Variants in HAPLN4 observed in about 807,000 individuals in gnomAD.
The protein encoded by HAPLN4 is hyaluronan and proteoglycan link protein 4, also known as brain link protein 2.
Under a neutral mutation model 28.0 loss-of-function variants are expected in HAPLN4, and 19 were observed. The observed-to-expected ratio is 0.68, with a 90% CI of 0.47 to 1.00. HAPLN4 has a LOEUF of 1.00. HAPLN4 is among the 50% of genes least tolerant of loss of function. The pLI, the probability that HAPLN4 is intolerant of heterozygous loss-of-function variation, is 0.00. For synonymous variants in HAPLN4, 274 were observed against 273.0 expected (o/e 1.00, Z -0.03); for missense variants, 587 against 602.6 (o/e 0.97, Z 0.27).
At chr19:19,259,766 A>G (rs2060977359) in intron 3 of HAPLN4, among the ~76,000 whole-genome samples, 1 of 152,234 alleles carries the variant, frequency 6.6e-6, no homozygotes. Flanking sequence ...TAGGGAGGTC[A>G]GCAAGCAAGG....
In HAPLN4 at chr19:19,257,781, G is replaced by A. The variant is rs1219303893; in HGVS notation, c.*36C>T. 7.2e-7 allele frequency: 1 copy of A among 1,392,216 alleles called. No individual in the cohort carries two copies. The highest frequency in any genetic ancestry group is 2.8e-5 in the East Asian group (1 of 36,246). The allele number at this position is 1,392,216 out of a possible 1,614,324, so 86.2% of individuals were successfully genotyped here. On this transcript the variant is annotated 3_prime_UTR_variant, in exon 5 of 5. Coordinates refer to ENST00000291481, the MANE Select transcript of HAPLN4 (RefSeq NM_023002.3). ...CAGGGGACCACAGGGCTCTAGACCA[G>A]TGGTCAAGCGCCCTGGCTGTCCGCC...
intron 2 of HAPLN4, 94 bp from the exon 3 acceptor site, chr19:19,261,269 T>C (rs566259458): frequency 7.3e-7 from 1 of 1,370,164 alleles, no homozygotes; most frequent in Admixed American, 2.0e-5. Context: ...GTGGGAAGAC[T>C]CGGGTGGGGG....
At position 19,262,767 on chromosome 19, in the gene HAPLN4, G is replaced by GCACC. The variant is rs758507798; in HGVS notation, c.-39_-36dup. 1.2e-6 allele frequency: 2 copies of GCACC among 1,606,730 alleles called. No homozygotes were observed. Among genetic ancestry groups the GCACC allele is most frequent in the Non-Finnish European group, 1.7e-6 (2 of 1,176,334 alleles). On this transcript the variant is annotated 5_prime_UTR_variant, in exon 1 of 5. Coordinates refer to ENST00000291481, the MANE Select transcript of HAPLN4 (RefSeq NM_023002.3). The stretch of plus-strand genomic sequence containing the variant: ...GCGGCCCCCGCCGAGCGGCCCCTAC[G>GCACC]CACCCGGACTGCGCTCCCCGCACAC...
Position 19,258,392 on chromosome 19 carries a change from G to A in HAPLN4, c.817+131C>T. 1 of 1,126,322 alleles carries A rather than the reference G, an allele frequency of 8.9e-7. No individual in the cohort carries two copies. Among genetic ancestry groups the A allele is most frequent in the Non-Finnish European group, 1.3e-6 (1 of 796,940 alleles). The allele number at this position is 1,126,322 out of a possible 1,614,324, so 69.8% of individuals were successfully genotyped here. A position where few individuals can be genotyped will look rare whatever the true frequency, so the allele number is the denominator to read the frequency against. ...CCAACCAGCGTTGGTACCAGGCGGT[G>A]TGTGCTGCGCCTAGGCACTCTTGGG... On this transcript the variant is annotated intron_variant, in intron 4 of 4. Transcript: ENST00000291481. This position sits in a 1 kb window ranked among gnomAD's most constrained non-coding sequence, Gnocchi z 6.2.
chr19:19,261,319 G>C (rs1220518194), intron 2 of HAPLN4, 127 bp downstream of exon 2: 1 of 1,234,516 alleles, frequency 8.1e-7, no homozygotes, highest in Non-Finnish European at 1.2e-6. Context: ...GGGAGAGGGC[G>C]AGGGGCTCAG....
chr19:19,258,058 A>G lies in HAPLN4; in HGVS notation c.968T>C (p.Leu323Pro), dbSNP rs1344776764. ...GGGGTAGCGCGCACTGCCATCGGCC[A>G]GCCAACCCGCGGTGCAGCGGTCTAG... ...QLLDRCTAGWLADGSARYPIV... is the reference protein window; with the variant it reads ...QLLDRCTAGWPADGSARYPIV... The change falls in exon 5 of 5, where the codon CTG becomes CCG. Residue 323 changes from leucine (L) to proline (P), a missense_variant. Transcript: ENST00000291481. This position sits in a 1 kb window ranked among gnomAD's most constrained non-coding sequence, Gnocchi z 6.2. 6.4e-7 allele frequency: 1 copy of G among 1,552,166 alleles called. No individual in the cohort carries two copies. The highest frequency in any genetic ancestry group is 8.7e-7 in the Non-Finnish European group (1 of 1,155,502).
chr19:19,262,742 G>A lies in HAPLN4; in HGVS notation c.-10C>T. On this transcript the variant is annotated 5_prime_UTR_variant, in exon 1 of 5. Coordinates refer to ENST00000291481, the MANE Select transcript of HAPLN4 (RefSeq NM_023002.3). ...CAGCCCCACTTACCATCTTGCCCGC[G>A]CGGCCCCCGCCGAGCGGCCCCTACG... is the stretch of plus-strand genomic sequence containing the variant. 1 of 1,608,470 alleles carries A rather than the reference G, an allele frequency of 6.2e-7. No homozygotes were observed. Among genetic ancestry groups the A allele is most frequent in the Non-Finnish European group, 8.5e-7 (1 of 1,176,844 alleles).
At chr19:19,260,762 GC>G (rs1450503322) in intron 3 of HAPLN4, 50 bp downstream of exon 3, 32 of 1,569,712 alleles carry the variant, frequency 2.0e-5, no homozygotes, top group Non-Finnish European at 2.7e-5. Flanking sequence ...TGCCATCCCC[GC>G]CCCCCTCCTT....
Position 19,257,977 on chromosome 19 carries a change from C to A in HAPLN4, c.1049G>T (p.Gly350Val), listed in dbSNP as rs757410052. The A allele has an allele frequency of 1.3e-6, 2 of 1,514,594 alleles. No homozygotes were observed. The highest frequency in any genetic ancestry group is 1.2e-5 in the South Asian group (1 of 81,618). The allele number at this position is 1,514,594 out of a possible 1,614,324, so 93.8% of individuals were successfully genotyped here. ...GGRRPGVRSLGFPDATRRLFG... is the reference protein window; with the variant it reads ...GGRRPGVRSLVFPDATRRLFG... ...GAGCCGTCGGGTGGCGTCCGGGAAGCCGAGGCTGCGCACACCAGGCCTGCG... is the reference window on the plus strand; with the variant it reads ...GAGCCGTCGGGTGGCGTCCGGGAAGACGAGGCTGCGCACACCAGGCCTGCG... Residue 350 changes from glycine (G) to valine (V), a missense_variant, in exon 5 of 5, where the codon GGC becomes GTC. Physicochemically the swap from Gly to Val is moderately radical, Grantham distance 109 (BLOSUM62 -3). Transcript: ENST00000291481.
At position 19,257,887 on chromosome 19, in the gene HAPLN4, C is replaced by A; in HGVS notation, c.1139G>T (p.Gly380Val). The A allele has an allele frequency of 6.8e-7, 1 of 1,480,330 alleles. No homozygotes were observed. 91.7% of individuals were successfully genotyped at this position (1,480,330 alleles called of 1,614,324 possible). Reference protein sequence around the residue: ...PDPAPGGWGWGWAGGGGWAGG... With the variant: ...PDPAPGGWGWVWAGGGGWAGG... ...TGCCCAGCCGCCGCCGCCCGCCCAGCCCCAGCCCCAGCCGCCAGGTGCCGG... is the reference window on the plus strand; with the variant it reads ...TGCCCAGCCGCCGCCGCCCGCCCAGACCCAGCCCCAGCCGCCAGGTGCCGG... The change falls in exon 5 of 5, where the codon GGC (glycine) becomes GTC (valine). Residue 380 changes from glycine to valine, a missense_variant. By Grantham distance (109) the Gly-to-Val change is moderately radical. Transcript: ENST00000291481.
At chr19:19,261,600 C>T (rs1328356297) in intron 1 of HAPLN4, 37 bp from the exon 2 acceptor site, 4 of 1,365,990 alleles carry the variant, frequency 2.9e-6, no homozygotes, top group Admixed American at 6.5e-5. Context: ...TCCAGCCTCC[C>T]AGCCTTGGCT....
At position 19,258,794 on chromosome 19, in the gene HAPLN4, C is replaced by T; in HGVS notation, c.546G>A (p.Gln182=). The T allele has an allele frequency of 6.3e-7, 1 of 1,597,116 alleles. No individual in the cohort carries two copies. ...GRYKLTFAEA[Q]RACAEQDGIL... ...TGCCGTCCTGCTCGGCGCACGCGCG[C>T]TGCGCCTCCGCGAAGGTCAGCTTGT... The change falls in exon 4 of 5, where the codon CAG becomes CAA. Residue 182 remains glutamine, a synonymous_variant. Transcript: ENST00000291481. The surrounding 1 kb of genome is among the most constrained non-coding windows in gnomAD (Gnocchi z 6.2).
Position 19,257,787 on chromosome 19 carries a change from A to G in HAPLN4, c.*30T>C. 7.2e-7 allele frequency: 1 copy of G among 1,392,084 alleles called. No homozygotes were observed. The highest frequency in any genetic ancestry group is 2.8e-5 in the East Asian group (1 of 36,194). 86.2% of individuals were successfully genotyped at this position (1,392,084 alleles called of 1,614,324 possible). A position where few individuals can be genotyped will look rare whatever the true frequency, so the allele number is the denominator to read the frequency against. On this transcript the variant is annotated 3_prime_UTR_variant, in exon 5 of 5. Coordinates refer to ENST00000291481, the MANE Select transcript of HAPLN4 (RefSeq NM_023002.3). ...ACCACAGGGCTCTAGACCAGTGGTCAAGCGCCCTGGCTGTCCGCCTACTCC... is the reference window on the plus strand; with the variant it reads ...ACCACAGGGCTCTAGACCAGTGGTCGAGCGCCCTGGCTGTCCGCCTACTCC...
chr19:19,261,555 A>G lies in HAPLN4; in HGVS notation c.12T>C (p.Ala4=). The G allele has an allele frequency of 6.5e-7, 1 of 1,538,910 alleles. No homozygotes were observed. Among genetic ancestry groups the G allele is most frequent in the Non-Finnish European group, 8.7e-7 (1 of 1,145,546 alleles). The part of the protein sequence containing the change: MVC[A]RAALGPGALW... ...GCGCGCCGGGACCGAGGGCCGCCCG[A>G]GCGCACACCTGGGGGGCGGGCACGG... is the stretch of plus-strand genomic sequence containing the variant. The change falls in exon 2 of 5, where the codon GCT becomes GCC. Residue 4 remains alanine (A), a synonymous_variant. Transcript: ENST00000291481.
At position 19,256,190 on chromosome 19, in the gene HAPLN4, A is replaced by T. The variant is rs2060965123; in HGVS notation, c.*1627T>A. On this transcript the variant is annotated 3_prime_UTR_variant, in exon 5 of 5. Coordinates refer to ENST00000291481, the MANE Select transcript of HAPLN4 (RefSeq NM_023002.3). ...CTTGCATATCTCAACAGACCAGGGC[A>T]CGCCATAGGCTCGGTTTCCTCATTT... 1 of 152,246 alleles carries T rather than the reference A, an allele frequency of 6.6e-6. No homozygotes were observed. Among genetic ancestry groups the T allele is most frequent in the African/African-American group, 2.4e-5 (1 of 41,454 alleles). The allele number at this position is 152,246 out of a possible 1,614,324, so 9.4% of individuals were successfully genotyped here.
rs1479039881 is a variant in HAPLN4, at chr19:19,262,772, C to G, written c.-40G>C. The G allele has an allele frequency of 6.2e-7, 1 of 1,604,256 alleles. No individual in the cohort carries two copies. Among genetic ancestry groups the G allele is most frequent in the Non-Finnish European group, 8.5e-7 (1 of 1,175,180 alleles). On this transcript the variant is annotated 5_prime_UTR_variant, in exon 1 of 5. Coordinates refer to ENST00000291481, the MANE Select transcript of HAPLN4 (RefSeq NM_023002.3). ...CCCCGCCGAGCGGCCCCTACGCACC[C>G]GGACTGCGCTCCCCGCACACCCGGT...
chr19:19,262,654 T>TTCA (rs1166136853), intron 1 of HAPLN4, 76 bp downstream of exon 1: 6 of 1,514,814 alleles, frequency 4.0e-6, no homozygotes, highest in African/African-American at 1.4e-5. Context: ...GGGATATAGA[T>TTCA]TCAGAGGCAG....
chr19:19,261,489 A>G lies in HAPLN4; in HGVS notation c.78T>C (p.Pro26=). Residue 26 remains proline (P), a synonymous_variant, in exon 2 of 5, where the codon CCT becomes CCC. Coordinates refer to ENST00000291481, the MANE Select transcript of HAPLN4 (RefSeq NM_023002.3). Reference sequence around the variant, plus strand: ...TCTTCCGGCCACGCTGCGCCCCCGCAGGGGCTGTGAGCAGCAGGACGCCCC... The same window carrying G: ...TCTTCCGGCCACGCTGCGCCCCCGCGGGGGCTGTGAGCAGCAGGACGCCCC... ...AAWGVLLLTA[P]AGAQRGRKKV... is the part of the protein sequence containing the mutation. 1 of 1,612,048 alleles carries G rather than the reference A, an allele frequency of 6.2e-7. No homozygotes were observed. Among genetic ancestry groups the G allele is most frequent in the South Asian group, 1.1e-5 (1 of 91,058 alleles).
At position 19,258,060 on chromosome 19, in the gene HAPLN4, C is replaced by T; in HGVS notation, c.966G>A (p.Trp322Ter). ...LQLLDRCTAG[W>*]LADGSARYPI... ...GGTAGCGCGCACTGCCATCGGCCAG[C>T]CAACCCGCGGTGCAGCGGTCTAGCA... Residue 322 changes from tryptophan (W) to a stop codon, truncating the protein, a stop_gained, in exon 5 of 5, where the codon TGG becomes TGA. Coordinates refer to ENST00000291481, the MANE Select transcript of HAPLN4 (RefSeq NM_023002.3). LOFTEE classifies it low-confidence loss of function (END_TRUNC). This position sits in a 1 kb window ranked among gnomAD's most constrained non-coding sequence, Gnocchi z 6.2. The T allele has an allele frequency of 1.3e-6, 2 of 1,552,302 alleles. No homozygotes were observed. Among genetic ancestry groups the T allele is most frequent in the East Asian group, 2.4e-5 (1 of 42,116 alleles).
Sources: allele counts gnomAD v4.1 joint callset (sites outside exome capture counted in the v4.1 genomes callset), GRCh38; gene constraint gnomAD v4.1.1; non-coding constraint Gnocchi (gnomAD v3.1); transcripts MANE v1.5; gene names NCBI Gene and HGNC (gene_info 2026-07-23, HGNC 2026-07-21).